RNF216: variants seen among roughly 807,000 people sequenced by gnomAD.
RNF216 encodes E3 ubiquitin-protein ligase RNF216.
A neutral mutation model predicts 110.8 loss-of-function variants in RNF216; 72 were observed. That is an observed-to-expected ratio of 0.65 (90% CI 0.54 to 0.79). The LOEUF is 0.79. RNF216 is among the 30% of genes least tolerant of loss of function. The pLI, the probability that RNF216 is intolerant of heterozygous loss-of-function variation, is 0.00. For missense variants in RNF216, 1,342 were observed against 1,141.2 expected, an observed-to-expected ratio of 1.18 and a Z score of -2.54; for synonymous variants, 495 against 407.5, an observed-to-expected ratio of 1.21 and a Z score of -2.59.
intron 1 of RNF216, among the ~76,000 whole-genome samples, chr7:5,768,294 GA>G (rs35195410): frequency 0.066 from 7,690 of 116,688 alleles, 982 homozygotes; most frequent in African/African-American, 0.23. Context: ...CTATTAGGGG[GA>G]AAAAAAAAAA....
chr7:5,742,709 C>T (rs1794831093), intron 3 of RNF216, among the ~76,000 whole-genome samples: 2 of 150,626 alleles, frequency 1.3e-5, no homozygotes, highest in South Asian at 4.2e-4. Flanking sequence ...AATTATCCTG[C>T]CACAGCCTCC....
intron 11 of RNF216, chr7:5,713,397 G>C (rs1402115990): frequency 1.3e-5 from 2 of 152,904 alleles, no homozygotes; most frequent in African/African-American, 2.4e-5. Context: ...ACCACTCATA[G>C]AGGAGAGCAG....
At chr7:5,706,173 T>C (rs556102933) in intron 13 of RNF216, among the ~76,000 whole-genome samples, 46 of 148,556 alleles carry the variant, frequency 3.1e-4, no homozygotes, top group Admixed American at 1.7e-3. Flanking sequence ...TGAGCTGAGA[T>C]TGCACCACTG....
chr7:5,725,328 T>C lies in RNF216; in HGVS notation c.1500A>G (p.Glu500=). 3 of 1,582,290 alleles carry C rather than the reference T, an allele frequency of 1.9e-6. No homozygotes were observed. Among genetic ancestry groups the C allele is most frequent in the Non-Finnish European group, 2.6e-6 (3 of 1,151,072 alleles). The change falls in exon 8 of 17, where the codon GAA becomes GAG. Residue 500 remains glutamate (E), a synonymous_variant. Transcript: ENST00000389902. ...NQYSYIDFKF[E]QGDIKIEKRM... is the part of the protein sequence containing the mutation. ...CACCAACACAGTTTGCATTACCTTG[T>C]TCAAACTTGAAATCAATGTAAGAAT...
chr7:5,749,399 C>T (rs1795219074), intron 3 of RNF216, among the ~76,000 whole-genome samples: 1 of 152,162 alleles, frequency 6.6e-6, no homozygotes, highest in Admixed American at 6.5e-5. Context: ...AATCCACTCG[C>T]CTCGGCCTCC....
At chr7:5,746,149 G>A (rs910757225) in intron 3 of RNF216, among the ~76,000 whole-genome samples, 4 of 151,396 alleles carry the variant, frequency 2.6e-5, no homozygotes, top group Non-Finnish European at 5.9e-5. Context: ...GCAAGTGTCG[G>A]AAGTCCTTCT....
chr7:5,655,326 A>G (rs1788668603), intron 13 of RNF216, among the ~76,000 whole-genome samples: 1 of 152,174 alleles, frequency 6.6e-6, no homozygotes, highest in African/African-American at 2.4e-5. Flanking sequence ...AACATATCTG[A>G]AACGTCTTTT....
intron 5 of RNF216, among the ~76,000 whole-genome samples, chr7:5,736,278 T>G (rs561761799): frequency 1.3e-5 from 2 of 152,226 alleles, no homozygotes; most frequent in South Asian, 4.1e-4. Flanking sequence ...CCGCCACGCC[T>G]GACTGGTTTT....
chr7:5,643,375 T>A (rs1443330006), intron 14 of RNF216, among the ~76,000 whole-genome samples: 1 of 150,830 alleles, frequency 6.6e-6, no homozygotes, highest in Non-Finnish European at 1.5e-5. Context: ...GCAACTAGAT[T>A]CTCAACCAGG....
chr7:5,632,155 T>C (rs3807577), intron 15 of RNF216, among the ~76,000 whole-genome samples: 1 of 152,320 alleles, frequency 6.6e-6, no homozygotes, highest in East Asian at 1.9e-4. Flanking sequence ...CCTGAACCTA[T>C]TTGAGATCTG....
At chr7:5,667,491 T>C (rs556430146) in intron 13 of RNF216, among the ~76,000 whole-genome samples, 12 of 152,288 alleles carry the variant, frequency 7.9e-5, no homozygotes, top group Non-Finnish European at 1.5e-4. Context: ...TAAGGAACAA[T>C]GCCCGGGAAC....
chr7:5,760,492 G>A (rs1260484409), intron 2 of RNF216: 3 of 353,206 alleles, frequency 8.5e-6, no homozygotes, highest in Admixed American at 6.8e-5. Context: ...CTCTGGCCTG[G>A]GCAATGAGTA....
intron 1 of RNF216, among the ~76,000 whole-genome samples, chr7:5,767,954 C>G (rs1562477370): frequency 6.6e-6 from 1 of 152,098 alleles, no homozygotes; most frequent in Non-Finnish European, 1.5e-5. Context: ...CTGGTAAACA[C>G]TGAGCTTTCA....
intron 13 of RNF216, among the ~76,000 whole-genome samples, chr7:5,700,077 C>A (rs1457730925): frequency 6.6e-6 from 1 of 152,214 alleles, no homozygotes; most frequent in African/African-American, 2.4e-5. Flanking sequence ...CCCTTCTCCA[C>A]ATTCCCCGCC....
chr7:5,670,051 C>T (rs372152768), intron 13 of RNF216, among the ~76,000 whole-genome samples: 1 of 151,996 alleles, frequency 6.6e-6, no homozygotes, highest in Admixed American at 6.6e-5. Flanking sequence ...CTCAGCCTCC[C>T]GATTAGCTGG....
intron 13 of RNF216, among the ~76,000 whole-genome samples, chr7:5,655,628 G>A (rs17135762): frequency 0.25 from 37,414 of 151,490 alleles, 5,614 homozygotes; most frequent in East Asian, 0.51. Context: ...GACAAAAAAA[G>A]ACAAGACCAG....
At chr7:5,657,438 A>G (rs1210945598) in intron 13 of RNF216, among the ~76,000 whole-genome samples, 1 of 152,118 alleles carries the variant, frequency 6.6e-6, no homozygotes, top group African/African-American at 2.4e-5. Context: ...GTGGTGGCGC[A>G]TGCCTATAAT....
At chr7:5,733,864 C>G (rs1013962315) in intron 5 of RNF216, among the ~76,000 whole-genome samples, 1 of 152,106 alleles carries the variant, frequency 6.6e-6, no homozygotes, top group African/African-American at 2.4e-5. Context: ...TAAAGCAATT[C>G]ACACATATAA....
intron 1 of RNF216, among the ~76,000 whole-genome samples, chr7:5,770,535 G>C (rs1009493283): frequency 1.3e-5 from 2 of 152,040 alleles, no homozygotes; most frequent in Middle Eastern, 3.4e-3. Context: ...TCACGGGTGG[G>C]AAAGTTCAAT....
Sources: gnomAD v4.1 joint callset for allele counts (sites outside exome capture counted in the v4.1 genomes callset) on GRCh38, gnomAD v4.1.1 for gene constraint, MANE v1.5 for transcripts, NCBI Gene and HGNC (gene_info 2026-07-23, HGNC 2026-07-21) for gene names.